The following NFIB variants were observed in gnomAD, a reference collection of about 807,000 sequenced individuals.
NFIB encodes nuclear factor 1 B-type.
NFIB carries 11 observed loss-of-function variants against 61.5 expected under a neutral mutation model. The observed-to-expected ratio is 0.18, with a 90% CI of 0.11 to 0.30. The LOEUF (loss-of-function observed/expected upper bound fraction) is 0.30. NFIB is among the 10% of genes least tolerant of loss of function. NFIB has a pLI of 1.00. For missense variants in NFIB, 471 were observed against 608.9 expected (o/e 0.77, Z 2.38); for synonymous variants, 260 against 216.5 (o/e 1.20, Z -1.76).
chr9:14,304,296 TG>T (rs1270451497), intron 2 of NFIB, among the ~76,000 whole-genome samples: 1 of 152,228 alleles, frequency 6.6e-6, no homozygotes, highest in African/African-American at 2.4e-5. Flanking sequence ...CATAGGAAGT[TG>T]GTCAACAATG....
chr9:14,251,644 C>G (rs1422710710), intron 2 of NFIB, among the ~76,000 whole-genome samples: 1 of 152,222 alleles, frequency 6.6e-6, no homozygotes, highest in Non-Finnish European at 1.5e-5. Context: ...CACCAAGGCT[C>G]TGCTCCTTCT....
intron 2 of NFIB, among the ~76,000 whole-genome samples, chr9:14,198,902 A>G (rs1280038894): frequency 6.6e-6 from 1 of 152,234 alleles, no homozygotes; most frequent in African/African-American, 2.4e-5. Context: ...CATGTGATGC[A>G]CCAGCTTTGG....
chr9:14,336,284 AT>A, intron 1 of NFIB, among the ~76,000 whole-genome samples: 1 of 152,328 alleles, frequency 6.6e-6, no homozygotes, highest in Middle Eastern at 3.4e-3. Context: ...CCTAAAAGTC[AT>A]TTTTATTCAA....
At chr9:14,310,714 T>C (rs1480763870) in intron 1 of NFIB, among the ~76,000 whole-genome samples, 1 of 152,186 alleles carries the variant, frequency 6.6e-6, no homozygotes, top group East Asian at 1.9e-4. Context: ...TCTTTCAGAA[T>C]TTTTAGTAAA....
At chr9:14,109,770 T>C (rs1377023099) in intron 10 of NFIB, among the ~76,000 whole-genome samples, 1 of 152,124 alleles carries the variant, frequency 6.6e-6, no homozygotes, top group East Asian at 1.9e-4. Flanking sequence ...TAATGGCAGA[T>C]TATCAACTGG....
chr9:14,244,414 T>C (rs1322986), intron 2 of NFIB, among the ~76,000 whole-genome samples: 41,212 of 152,176 alleles, frequency 0.27, 6,711 homozygotes, highest in Middle Eastern at 0.46. Context: ...GCTGATTAAA[T>C]GAGAGACATT....
At position 14,344,661 on chromosome 9, in the gene NFIB, T is replaced by G. The variant is rs538246578; in HGVS notation, c.109-37141A>C. On this transcript the variant is annotated intron_variant, in intron 1 of 8. Coordinates refer to the NFIB transcript ENST00000380934. ...AATAATTGAGAGTCAGTGTTTATAC[T>G]GTTTTGTGTGTGATTAACAAGAATA... Among the ~76,000 whole-genome samples, 4 of 152,292 alleles carry G rather than the reference T, an allele frequency of 2.6e-5. No homozygotes were observed. In the South Asian group the frequency reaches 8.3e-4, roughly 32 times the overall value.
At chr9:14,463,164 T>C in the NFIB span, among the ~76,000 whole-genome samples, 2 of 151,268 alleles carry the variant, frequency 1.3e-5, no homozygotes, top group Non-Finnish European at 2.9e-5. Flanking sequence ...GTTTTATTAA[T>C]TAATTATTTT....
rs184643661 is a variant in NFIB, at chr9:14,094,677, C to T, written c.1468-6351G>A. On this transcript the variant is annotated intron_variant, in intron 10 of 10. Coordinates refer to ENST00000380953, the MANE Select transcript of NFIB (RefSeq NM_001190737.2). ...GTACTCTTGTGGGCTCTCTGGGAAACACCAAATATCATAAACTGCAGGTGG... is the reference window on the plus strand; with the variant it reads ...GTACTCTTGTGGGCTCTCTGGGAAATACCAAATATCATAAACTGCAGGTGG... Among the ~76,000 whole-genome samples the T allele has an allele frequency of 3.0e-3, 459 of 152,140 alleles. 3 individuals are homozygous for T. Among genetic ancestry groups the T allele is most frequent in the Non-Finnish European group, 3.8e-3 (261 of 67,958 alleles).
At chr9:14,195,177 A>G (rs2048341477) in intron 2 of NFIB, among the ~76,000 whole-genome samples, 3 of 148,712 alleles carry the variant, frequency 2.0e-5, no homozygotes, top group Non-Finnish European at 4.4e-5. Context: ...AAAAAAAAAC[A>G]AAAAACAAAA....
In NFIB at chr9:14,103,910, G is replaced by T. The variant is rs140856102; in HGVS notation, c.1467+9089C>A. Among the ~76,000 whole-genome samples, 771 of 151,260 alleles carry T rather than the reference G, an allele frequency of 5.1e-3. 7 individuals carry two copies. Among genetic ancestry groups the T allele is most frequent in the African/African-American group, 0.016 (672 of 41,276 alleles). On this transcript the variant is annotated intron_variant, in intron 10 of 10. Coordinates refer to ENST00000380953, the MANE Select transcript of NFIB (RefSeq NM_001190737.2). The stretch of plus-strand genomic sequence containing the variant: ...CATAAATCAGTAAATAAATTAGAAA[G>T]AAAAATAAATATTCTTTTTTTTTTT...
intron 1 of NFIB, among the ~76,000 whole-genome samples, chr9:14,397,836 T>C (rs1588422678): frequency 6.6e-6 from 1 of 152,202 alleles, no homozygotes; most frequent in Non-Finnish European, 1.5e-5. Flanking sequence ...GAAGATATAA[T>C]GGGTACGTGC....
At chr9:14,252,170 T>C (rs978234945) in intron 2 of NFIB, among the ~76,000 whole-genome samples, 7 of 152,198 alleles carry the variant, frequency 4.6e-5, no homozygotes, top group Admixed American at 3.9e-4. Flanking sequence ...TTTTAATCTT[T>C]CTTCCTCCAG....
the NFIB span, among the ~76,000 whole-genome samples, chr9:14,527,138 A>G: frequency 2.0e-5 from 3 of 152,186 alleles, no homozygotes; most frequent in African/African-American, 7.2e-5. Flanking sequence ...TAAATATGCT[A>G]AAATGGTACC....
the NFIB span, among the ~76,000 whole-genome samples, chr9:14,484,143 A>G: frequency 6.6e-6 from 1 of 152,200 alleles, no homozygotes; most frequent in Non-Finnish European, 1.5e-5. Flanking sequence ...GGAAAATACT[A>G]TATTTATTAA....
At chr9:14,173,285 A>T (rs976982983) in intron 3 of NFIB, among the ~76,000 whole-genome samples, 18 of 152,106 alleles carry the variant, frequency 1.2e-4, no homozygotes, top group Non-Finnish European at 2.1e-4. Context: ...TCAAGGGAAA[A>T]TTTTAATTCC....
chr9:14,115,813 T>C (rs540269426), intron 9 of NFIB, among the ~76,000 whole-genome samples: 3 of 152,346 alleles, frequency 2.0e-5, no homozygotes, highest in Non-Finnish European at 4.4e-5. Context: ...TTGATTTCTA[T>C]AGGAATGCTC....
chr9:14,289,620 C>T (rs1377062758), intron 2 of NFIB, among the ~76,000 whole-genome samples: 1 of 151,714 alleles, frequency 6.6e-6, no homozygotes, highest in Non-Finnish European at 1.5e-5. Flanking sequence ...TACATACATA[C>T]ACACACATAT....
At chr9:14,273,294 T>C (rs778126031) in intron 2 of NFIB, among the ~76,000 whole-genome samples, 3 of 152,074 alleles carry the variant, frequency 2.0e-5, no homozygotes, top group Non-Finnish European at 4.4e-5. Flanking sequence ...CAATAGGCCT[T>C]GTATCCTTTA....
Sources: gnomAD v4.1 joint callset for allele counts (sites outside exome capture counted in the v4.1 genomes callset) on GRCh38, gnomAD v4.1.1 for gene constraint, MANE v1.5 for transcripts, NCBI Gene and HGNC (gene_info 2026-07-23, HGNC 2026-07-21) for gene names.